Variants in DCAF6 observed in about 807,000 individuals in gnomAD.
The protein encoded by DCAF6 is DDB1- and CUL4-associated factor 6.
DCAF6 carries 54 observed loss-of-function variants against 125.1 expected under a neutral mutation model. That is an observed-to-expected ratio of 0.43 (90% CI 0.35 to 0.54). The LOEUF (loss-of-function observed/expected upper bound fraction) is 0.54, where lower values mean the gene tolerates loss of function less well. Ranked by LOEUF, DCAF6 falls within the 20% of genes least tolerant of loss-of-function variation. DCAF6 has a pLI of 0.01. For synonymous variants in DCAF6, 371 were observed against 390.4 expected, an observed-to-expected ratio of 0.95 and a Z score of 0.58; for missense variants, 934 against 1,161.7, an observed-to-expected ratio of 0.80 and a Z score of 2.85.
chr1:167,896,533 T>A, the DCAF6 span: 3 of 1,319,492 alleles, frequency 2.3e-6, no homozygotes, highest in African/African-American at 4.4e-5. Flanking sequence ...CTGTCGGCAT[T>A]GATATAAGAC....
chr1:167,956,772 T>G lies in DCAF6; in HGVS notation c.159+4911T>G, dbSNP rs1674851772. ...AGATATGTTGCATTTTTATTTTCAT[T>G]GAGTTCAAAATACTTTTTAATTTAT... is the stretch of plus-strand genomic sequence containing the variant. On this transcript the variant is annotated intron_variant, in intron 2 of 21. Transcript: ENST00000367840. Among the ~76,000 whole-genome samples the G allele has an allele frequency of 2.6e-5, 4 of 152,154 alleles. No homozygotes were observed. The South Asian group carries it at 8.3e-4, about 31-fold the overall frequency.
intron 10 of DCAF6, among the ~76,000 whole-genome samples, chr1:168,008,967 C>T (rs1343733981): frequency 6.9e-6 from 1 of 145,206 alleles, no homozygotes; most frequent in Non-Finnish European, 1.5e-5. Flanking sequence ...TCTTTCTTTT[C>T]TTCCTTCTTT....
the DCAF6 span, among the ~76,000 whole-genome samples, chr1:167,929,499 A>G: frequency 6.6e-6 from 1 of 152,236 alleles, no homozygotes. Flanking sequence ...AACTTTTCAT[A>G]GAATTTGAGA....
At chr1:167,984,770 C>G (rs1571803071) in intron 4 of DCAF6, among the ~76,000 whole-genome samples, 1 of 151,958 alleles carries the variant, frequency 6.6e-6, no homozygotes, top group African/African-American at 2.4e-5. Context: ...ATTCTGTGTT[C>G]ATTGCAAAAT....
At position 167,989,257 on chromosome 1, in the gene DCAF6, G is replaced by A. The variant is rs530345856; in HGVS notation, c.552+1649G>A. 2.0e-5 allele frequency among the ~76,000 whole-genome samples: 3 copies of A among 151,884 alleles called. No homozygotes were observed. In the East Asian group the frequency reaches 5.8e-4, roughly 29 times the overall value. ...ATACCTGTTCCTTAGAGTAAGTGGTGGGTACTAAATTTTGTTATTGCAAAC... is the reference window on the plus strand; with the variant it reads ...ATACCTGTTCCTTAGAGTAAGTGGTAGGTACTAAATTTTGTTATTGCAAAC... On this transcript the variant is annotated intron_variant, in intron 5 of 21. Transcript: ENST00000367840.
chr1:167,920,709 C>G, the DCAF6 span: 1 of 1,395,988 alleles, frequency 7.2e-7, no homozygotes, highest in East Asian at 2.6e-5. Context: ...AAGCACAAGA[C>G]ATTTTTGAGA....
intron 4 of DCAF6, among the ~76,000 whole-genome samples, chr1:167,982,389 A>G (rs1005870898): frequency 1.9e-4 from 29 of 151,936 alleles, no homozygotes; most frequent in African/African-American, 6.5e-4. Context: ...CTATAGGCGC[A>G]TGCAACCACG....
the DCAF6 span, among the ~76,000 whole-genome samples, chr1:167,928,398 A>G: frequency 7.7e-4 from 117 of 152,156 alleles, no homozygotes; most frequent in Non-Finnish European, 1.5e-3. Flanking sequence ...GCTAATTAAC[A>G]TTCAATTAAC....
At chr1:167,942,307 A>C (rs531576114) in intron 1 of DCAF6, among the ~76,000 whole-genome samples, 69 of 152,174 alleles carry the variant, frequency 4.5e-4, no homozygotes, top group Non-Finnish European at 8.4e-4. Context: ...CAGGTGATTG[A>C]CCTGCTTCGG....
the DCAF6 span, chr1:167,904,991 G>A: frequency 6.2e-7 from 1 of 1,614,172 alleles, no homozygotes; most frequent in Non-Finnish European, 8.5e-7. Context: ...TTTTGCACTT[G>A]CCTGAAATAT....
At chr1:167,920,554 C>G in the DCAF6 span, 1 of 1,613,524 alleles carries the variant, frequency 6.2e-7, no homozygotes, top group South Asian at 1.1e-5. Context: ...TACCTGTAGC[C>G]ATCAAAACAG....
At chr1:168,041,353 C>G (rs1157167617) in intron 13 of DCAF6, among the ~76,000 whole-genome samples, 1 of 151,896 alleles carries the variant, frequency 6.6e-6, no homozygotes, top group Non-Finnish European at 1.5e-5. Flanking sequence ...TCATTTGTTG[C>G]AAATATTTTT....
At chr1:167,896,607 C>G in the DCAF6 span, 4 of 1,611,944 alleles carry the variant, frequency 2.5e-6, no homozygotes, top group Middle Eastern at 3.3e-4. Flanking sequence ...TTGTGCTCAC[C>G]AGAAGGATAA....
Position 167,991,107 on chromosome 1 carries a change from G to A in DCAF6, c.553-97G>A, listed in dbSNP as rs552628179. 279 of 1,045,650 alleles carry A rather than the reference G, an allele frequency of 2.7e-4. 2 individuals are homozygous for A. The South Asian group carries it at 5.1e-3, about 19-fold the overall frequency. 64.8% of individuals were successfully genotyped at this position (1,045,650 alleles called of 1,614,324 possible). ...TTCTTGACTGAATTAGGAGTTCTGA[G>A]AATGGTTATTCTAATTACTAATGAG... On this transcript the variant is annotated intron_variant, in intron 5 of 21. Coordinates refer to ENST00000367840, the MANE Select transcript of DCAF6 (RefSeq NM_001198956.2).
chr1:167,903,786 G>T, the DCAF6 span: 1 of 818,410 alleles, frequency 1.2e-6, no homozygotes, highest in Non-Finnish European at 2.1e-6. Flanking sequence ...GGGAAGAGGA[G>T]GAGTGCTAAG....
At chr1:167,898,515 C>T in the DCAF6 span, among the ~76,000 whole-genome samples, 1 of 151,710 alleles carries the variant, frequency 6.6e-6, no homozygotes. Context: ...CAGGGAATTG[C>T]TTGAACCCGG....
At chr1:168,047,114 A>G (rs775237339) in intron 16 of DCAF6, among the ~76,000 whole-genome samples, 6 of 152,126 alleles carry the variant, frequency 3.9e-5, no homozygotes, top group South Asian at 4.1e-4. Context: ...ACACAGTACT[A>G]TAACATTAAT....
chr1:167,898,777 G>T, the DCAF6 span, among the ~76,000 whole-genome samples: 1 of 152,074 alleles, frequency 6.6e-6, no homozygotes. Context: ...CATCTGCACG[G>T]ATTCTCTGTC....
chr1:168,065,536 C>A, intron 18 of DCAF6, 54 bp from the exon 19 acceptor site: 1 of 1,278,126 alleles, frequency 7.8e-7, no homozygotes, highest in Admixed American at 2.4e-5. Context: ...TAGCATAAAT[C>A]TTTGTTTTAA....
Sources: gnomAD v4.1 joint callset for allele counts (sites outside exome capture counted in the v4.1 genomes callset) on GRCh38, gnomAD v4.1.1 for gene constraint, MANE v1.5 for transcripts, NCBI Gene and HGNC (gene_info 2026-07-23, HGNC 2026-07-21) for gene names.